The following ADAM12 variants were observed in gnomAD, a reference collection of about 807,000 sequenced individuals.
The protein encoded by ADAM12 is ADAM metallopeptidase domain 12, also known as disintegrin and metalloproteinase domain-containing protein 12.
Under a neutral mutation model 106.4 loss-of-function variants are expected in ADAM12, and 70 were observed. The observed-to-expected ratio is 0.66, with a 90% CI of 0.54 to 0.80. The LOEUF is 0.80. Ranked by LOEUF, ADAM12 falls within the 30% of genes least tolerant of loss-of-function variation. The pLI, the probability that ADAM12 is intolerant of heterozygous loss-of-function variation, is 0.00. For missense variants in ADAM12, 1,010 were observed against 1,171.9 expected (o/e 0.86, Z 2.02); for synonymous variants, 420 against 433.5 (o/e 0.97, Z 0.39).
At chr10:126,216,350 T>G (rs1957987323) in intron 3 of ADAM12, among the ~76,000 whole-genome samples, 1 of 152,166 alleles carries the variant, frequency 6.6e-6, no homozygotes. Context: ...ACTTCGAACT[T>G]CAAAGAATTC....
At chr10:126,018,726 C>A (rs1423579511) in intron 22 of ADAM12, among the ~76,000 whole-genome samples, 1 of 152,084 alleles carries the variant, frequency 6.6e-6, no homozygotes, top group East Asian at 1.9e-4. Flanking sequence ...ATGGGGTTAG[C>A]CTCCCAGCAT....
intron 3 of ADAM12, among the ~76,000 whole-genome samples, chr10:126,205,308 C>A (rs1957775498): frequency 7.1e-6 from 1 of 140,078 alleles, no homozygotes. Context: ...CACTTAAAAC[C>A]AAAAGAATTC....
chr10:126,365,442 G>A (rs938603668), intron 1 of ADAM12, among the ~76,000 whole-genome samples: 4 of 152,138 alleles, frequency 2.6e-5, no homozygotes, highest in Non-Finnish European at 5.9e-5. Context: ...GAACATAAAG[G>A]GGTGTATCAG....
At chr10:126,294,014 T>C (rs779245262) in intron 2 of ADAM12, among the ~76,000 whole-genome samples, 3 of 152,198 alleles carry the variant, frequency 2.0e-5, no homozygotes, top group African/African-American at 7.2e-5. Flanking sequence ...TCAGGCAACT[T>C]TGAAGACCCA....
chr10:126,049,745 TG>T lies in ADAM12; in HGVS notation c.1610-77del. The T allele has an allele frequency of 7.7e-7, 1 of 1,298,652 alleles. No individual in the cohort carries two copies. The highest frequency in any genetic ancestry group is 1.1e-6 in the Non-Finnish European group (1 of 919,406). The allele number at this position is 1,298,652 out of a possible 1,614,324, so 80.4% of individuals were successfully genotyped here. A position where few individuals can be genotyped will look rare whatever the true frequency, so the allele number is the denominator to read the frequency against. On this transcript the variant is annotated intron_variant, in intron 14 of 22. Coordinates refer to ENST00000448723, the MANE Select transcript of ADAM12 (RefSeq NM_001288973.2). This position sits in a 1 kb window ranked among gnomAD's most constrained non-coding sequence, Gnocchi z 4.4. Reference sequence around the variant, plus strand: ...TTTTCATGGCTGTAGGCCTCTCAAATGGTTACGGGGAGACGTGCTCAAAGCA... The same window carrying T: ...TTTTCATGGCTGTAGGCCTCTCAAATGTTACGGGGAGACGTGCTCAAAGCA...
At chr10:126,095,711 GTGATCC>G (rs1955546171) in intron 10 of ADAM12, among the ~76,000 whole-genome samples, 1 of 151,976 alleles carries the variant, frequency 6.6e-6, no homozygotes, top group South Asian at 2.1e-4. Context: ...CCCTTGCCAT[GTGATCC>G]CCCGCACTGC....
chr10:126,292,702 T>C (rs1343058291), intron 2 of ADAM12, among the ~76,000 whole-genome samples: 1 of 152,234 alleles, frequency 6.6e-6, no homozygotes, highest in Non-Finnish European at 1.5e-5. Context: ...TGCTCAACTC[T>C]GCCACTGCAG....
chr10:126,256,733 T>C (rs1290915461), intron 3 of ADAM12, among the ~76,000 whole-genome samples: 1 of 152,192 alleles, frequency 6.6e-6, no homozygotes, highest in African/African-American at 2.4e-5. Flanking sequence ...TGAATCACTC[T>C]GGAGGGCTTC....
chr10:126,251,553 G>A (rs1958752675), intron 3 of ADAM12, among the ~76,000 whole-genome samples: 1 of 117,650 alleles, frequency 8.5e-6, no homozygotes, highest in Non-Finnish European at 1.9e-5. Flanking sequence ...GGATAGGATA[G>A]ATGGGTGGGA....
intron 5 of ADAM12, 26 bp from the exon 6 acceptor site, chr10:126,118,250 T>C: frequency 1.3e-6 from 2 of 1,560,480 alleles, no homozygotes; most frequent in Non-Finnish European, 1.8e-6. Flanking sequence ...CAAGAAAAAA[T>C]ATATAATTTT....
At chr10:126,073,249 T>A (rs1396898139) in intron 11 of ADAM12, among the ~76,000 whole-genome samples, 2 of 152,088 alleles carry the variant, frequency 1.3e-5, no homozygotes, top group Non-Finnish European at 2.9e-5. Flanking sequence ...CCACCATGCC[T>A]GGCTAATTTT....
At chr10:126,346,952 C>G (rs1044382779) in intron 1 of ADAM12, among the ~76,000 whole-genome samples, 1 of 152,328 alleles carries the variant, frequency 6.6e-6, no homozygotes, top group Non-Finnish European at 1.5e-5. Flanking sequence ...ATACAACACA[C>G]TGATGGGTCT....
intron 3 of ADAM12, among the ~76,000 whole-genome samples, chr10:126,172,294 T>C (rs182030877): frequency 1.7e-4 from 26 of 152,318 alleles, no homozygotes; most frequent in Middle Eastern, 3.4e-3. Flanking sequence ...CAGTTCTCAA[T>C]GGGTCAGAGC....
chr10:126,079,909 A>G (rs1226912322), intron 11 of ADAM12, among the ~76,000 whole-genome samples: 4 of 152,224 alleles, frequency 2.6e-5, no homozygotes, highest in African/African-American at 9.6e-5. Flanking sequence ...TCACTTAGCC[A>G]TGCCAGAGAG....
chr10:126,045,450 T>G (rs1954292494), intron 17 of ADAM12, among the ~76,000 whole-genome samples: 1 of 152,220 alleles, frequency 6.6e-6, no homozygotes, highest in Non-Finnish European at 1.5e-5. Context: ...GCAGGATTTC[T>G]GTAGGAAAGG....
intron 10 of ADAM12, among the ~76,000 whole-genome samples, chr10:126,096,248 T>G (rs1389688653): frequency 3.3e-5 from 5 of 152,226 alleles, no homozygotes; most frequent in Admixed American, 1.3e-4. Context: ...TAAAAAATAT[T>G]CTTCTGATTC....
intron 3 of ADAM12, among the ~76,000 whole-genome samples, chr10:126,192,233 C>T (rs1472041349): frequency 6.6e-6 from 1 of 152,182 alleles, no homozygotes; most frequent in African/African-American, 2.4e-5. Flanking sequence ...TGAGGACAAT[C>T]TTTTTGTGGT....
At chr10:126,310,925 G>C (rs1961056477) in intron 2 of ADAM12, among the ~76,000 whole-genome samples, 1 of 152,090 alleles carries the variant, frequency 6.6e-6, no homozygotes, top group African/African-American at 2.4e-5. Context: ...GGATATGGTG[G>C]ACCCTAAGGA....
chr10:126,076,245 C>CA (rs1453751198), intron 11 of ADAM12, among the ~76,000 whole-genome samples: 3 of 152,362 alleles, frequency 2.0e-5, no homozygotes, highest in East Asian at 3.9e-4. Context: ...CATGTTGCTG[C>CA]AAAGGACATA....
Sources: gnomAD v4.1 joint callset for allele counts (sites outside exome capture counted in the v4.1 genomes callset) on GRCh38, gnomAD v4.1.1 for gene constraint, Gnocchi (gnomAD v3.1) non-coding constraint, MANE v1.5 for transcripts, NCBI Gene and HGNC (gene_info 2026-07-23, HGNC 2026-07-21) for gene names.